The following DNAH14 variants were observed in gnomAD, a reference collection of about 807,000 sequenced individuals.
DNAH14 encodes dynein axonemal heavy chain 14.
DNAH14 carries 478 observed loss-of-function variants against 520.9 expected under a neutral mutation model. The observed-to-expected ratio is 0.92, with a 90% CI of 0.85 to 0.99. DNAH14 has a LOEUF of 0.99. DNAH14 is among the 50% of genes least tolerant of loss of function. The probability of loss-of-function intolerance (pLI) is 0.00; values close to 1 mark genes in which losing one functional copy is unlikely to be tolerated. For synonymous variants in DNAH14, 1,581 were observed against 1,757.2 expected, an observed-to-expected ratio of 0.90 and a Z score of 2.51; for missense variants, 4,831 against 5,234.5, an observed-to-expected ratio of 0.92 and a Z score of 2.38.
At chr1:225,132,402 A>AC (rs1049560817) in intron 27 of DNAH14, among the ~76,000 whole-genome samples, 4 of 148,730 alleles carry the variant, frequency 2.7e-5, no homozygotes, top group South Asian at 2.1e-4. Context: ...TGTTCCTGCC[A>AC]CCCCCCACCC....
Position 225,145,345 on chromosome 1 carries a change from T to C in DNAH14, c.4760T>C (p.Val1587Ala), listed in dbSNP as rs891917894. ...DLAKSLGKHCVVFNCFEDLDY... is the reference protein window; with the variant it reads ...DLAKSLGKHCAVFNCFEDLDY... Reference sequence around the variant, plus strand: ...TCCCAGTCCTTAGGCAAACATTGTGTGGTCTTCAACTGTTTTGAGGATTTG... The same window carrying C: ...TCCCAGTCCTTAGGCAAACATTGTGCGGTCTTCAACTGTTTTGAGGATTTG... Residue 1587 changes from valine (V) to alanine (A), a missense_variant, in exon 30 of 86, where the codon GTG (valine) becomes GCG (alanine). Transcript: ENST00000682510. The C allele has an allele frequency of 3.2e-6, 5 of 1,546,848 alleles. No individual in the cohort carries two copies. The highest frequency in any genetic ancestry group is 3.4e-4 in the Middle Eastern group (2 of 5,958).
At chr1:225,352,631 A>T (rs570831731) in intron 72 of DNAH14, among the ~76,000 whole-genome samples, 2 of 152,118 alleles carry the variant, frequency 1.3e-5, no homozygotes, top group African/African-American at 2.4e-5. Context: ...GATTTTTTTT[A>T]AATTTTGCCC....
chr1:225,080,127 T>A (rs1335332960), intron 18 of DNAH14, among the ~76,000 whole-genome samples: 1 of 152,202 alleles, frequency 6.6e-6, no homozygotes, highest in Non-Finnish European at 1.5e-5. Flanking sequence ...AACAGCAGCA[T>A]GGCTGGTGAC....
At chr1:225,112,333 C>T (rs1331395753) in intron 23 of DNAH14, among the ~76,000 whole-genome samples, 1 of 152,132 alleles carries the variant, frequency 6.6e-6, no homozygotes, top group Non-Finnish European at 1.5e-5. Context: ...AGTCTACTGC[C>T]AGATATATTG....
chr1:225,365,866 A>G (rs942700393), intron 76 of DNAH14, among the ~76,000 whole-genome samples: 4 of 152,222 alleles, frequency 2.6e-5, no homozygotes, highest in Admixed American at 6.5e-5. Context: ...TAAGTAGTCC[A>G]TCGCTCCACC....
intron 54 of DNAH14, among the ~76,000 whole-genome samples, chr1:225,289,627 T>C (rs922283237): frequency 6.6e-6 from 1 of 152,106 alleles, no homozygotes; most frequent in Admixed American, 6.6e-5. Flanking sequence ...CAAGATTATG[T>C]TCTCTTTCCA....
intron 34 of DNAH14, among the ~76,000 whole-genome samples, chr1:225,155,682 G>T (rs1201713233): frequency 1.3e-5 from 2 of 152,122 alleles, no homozygotes; most frequent in Non-Finnish European, 2.9e-5. Context: ...TCTAAAGTTT[G>T]CATGGGCACC....
At chr1:224,954,278 C>T (rs1181745344) in intron 2 of DNAH14, among the ~76,000 whole-genome samples, 2 of 151,984 alleles carry the variant, frequency 1.3e-5, no homozygotes, top group South Asian at 4.2e-4. Flanking sequence ...CTTTCTTTGT[C>T]CTAGAAAAGA....
intron 81 of DNAH14, among the ~76,000 whole-genome samples, chr1:225,385,630 T>C (rs553984985): frequency 4.1e-4 from 63 of 152,286 alleles, no homozygotes; most frequent in African/African-American, 1.4e-3. Context: ...CCATTCACAA[T>C]TGCTTCAAAA....
At chr1:225,078,922 T>C (rs1444149391) in intron 17 of DNAH14, among the ~76,000 whole-genome samples, 1 of 139,308 alleles carries the variant, frequency 7.2e-6, no homozygotes, top group African/African-American at 2.7e-5. Flanking sequence ...CTTGGTAAGA[T>C]GTGCTTGCTT....
chr1:225,023,660 T>C lies in DNAH14; in HGVS notation c.1153T>C (p.Ser385Pro). 1.3e-6 allele frequency: 2 copies of C among 1,547,610 alleles called. No homozygotes were observed. Among genetic ancestry groups the C allele is most frequent in the Non-Finnish European group, 1.7e-6 (2 of 1,144,646 alleles). ...EIKEYFESKL[S>P]EDDTTHFKLP... ...CAAAGAGTATTTTGAGTCAAAACTC[T>C]CTGAAGATGACACAACACATTTCAA... Residue 385 changes from serine (S) to proline (P), a missense_variant, in exon 11 of 86, where the codon TCT becomes CCT. By Grantham distance (74) the Ser-to-Pro change is moderately conservative. Coordinates refer to ENST00000682510, the MANE Select transcript of DNAH14 (RefSeq NM_001367479.1).
rs375402398 is a variant in DNAH14 at position 225,112,616 on chromosome 1, T to G, written c.3868-5068T>G. ...TTAGCTTTTCTATTTTTAGGCTATG[T>G]TTTATTTTTCTAGCTGCTATTTTCT... On this transcript the variant is annotated intron_variant, in intron 23 of 85. Coordinates refer to ENST00000682510, the MANE Select transcript of DNAH14 (RefSeq NM_001367479.1). Among the ~76,000 whole-genome samples the G allele has an allele frequency of 9.2e-5, 14 of 152,138 alleles. No homozygotes were observed. In the East Asian group the frequency reaches 1.9e-3, roughly 21 times the overall value.
At chr1:225,228,994 C>CGGCCTTT (rs1175671682) in intron 41 of DNAH14, among the ~76,000 whole-genome samples, 1 of 152,136 alleles carries the variant, frequency 6.6e-6, no homozygotes, top group Non-Finnish European at 1.5e-5. Context: ...GTCCTAAAAC[C>CGGCCTTT]GGCCTTTGAT....
intron 17 of DNAH14, among the ~76,000 whole-genome samples, chr1:225,053,220 G>A (rs1008181149): frequency 6.6e-6 from 1 of 152,008 alleles, no homozygotes; most frequent in African/African-American, 2.4e-5. Flanking sequence ...GGAAAATGAA[G>A]TTTGGGGTAG....
intron 21 of DNAH14, among the ~76,000 whole-genome samples, chr1:225,090,701 CT>C (rs2074301219): frequency 6.6e-6 from 1 of 152,082 alleles, no homozygotes. Context: ...TAAGCCACAT[CT>C]TACAACATAC....
chr1:225,113,110 C>T (rs1219188761), intron 23 of DNAH14, among the ~76,000 whole-genome samples: 3 of 152,014 alleles, frequency 2.0e-5, no homozygotes, highest in African/African-American at 7.2e-5. Flanking sequence ...TTGAACTTAT[C>T]GTTCTTGGGC....
intron 78 of DNAH14, 116 bp downstream of exon 78, chr1:225,375,001 A>G: frequency 1.1e-6 from 1 of 933,672 alleles, no homozygotes; most frequent in Non-Finnish European, 1.5e-6. Context: ...GGCTTTTAGT[A>G]GCTTTCAGTA....
At chr1:225,367,008 TACACACACACACACAC>T (rs111814272) in intron 76 of DNAH14, among the ~76,000 whole-genome samples, 34 of 149,396 alleles carry the variant, frequency 2.3e-4, no homozygotes, top group Admixed American at 1.5e-3. Context: ...CTCATGTTCA[TACACACACACACACAC>T]ACACACACAC....
chr1:225,257,604 C>G (rs866288368), intron 44 of DNAH14, among the ~76,000 whole-genome samples: 8 of 150,488 alleles, frequency 5.3e-5, no homozygotes, highest in Non-Finnish European at 1.2e-4. Context: ...GGCGCAATCT[C>G]GGCTCACTGC....
Sources: allele counts gnomAD v4.1 joint callset (sites outside exome capture counted in the v4.1 genomes callset), GRCh38; gene constraint gnomAD v4.1.1; transcripts MANE v1.5; gene names NCBI Gene and HGNC (gene_info 2026-07-23, HGNC 2026-07-21).